The following ANKRD17 variants were observed in gnomAD, a reference collection of about 807,000 sequenced individuals.
The protein encoded by ANKRD17 is ankyrin repeat domain 17.
A neutral mutation model predicts 229.7 loss-of-function variants in ANKRD17; 19 were observed. The observed-to-expected ratio is 0.08, with a 90% CI of 0.06 to 0.12. The LOEUF (loss-of-function observed/expected upper bound fraction) is 0.12, where lower values mean the gene tolerates loss of function less well. ANKRD17 is among the 10% of genes least tolerant of loss of function. The probability of loss-of-function intolerance (pLI) is 1.00; values close to 1 mark genes in which losing one functional copy is unlikely to be tolerated. For synonymous variants in ANKRD17, 1,112 were observed against 1,146.1 expected (o/e 0.97, Z 0.60); for missense variants, 2,176 against 3,176.8 (o/e 0.68, Z 7.57).
At chr4:73,158,181 A>AAAGAAAGG (rs1491185888) in intron 3 of ANKRD17, among the ~76,000 whole-genome samples, 20 of 151,636 alleles carry the variant, frequency 1.3e-4, no homozygotes, top group Admixed American at 6.6e-5. Flanking sequence ...AGAAAGAAAG[A>AAAGAAAGG]AAGAAAGAGA....
intron 1 of ANKRD17, among the ~76,000 whole-genome samples, chr4:73,208,871 A>C (rs1410592745): frequency 6.6e-6 from 1 of 152,176 alleles, no homozygotes; most frequent in Non-Finnish European, 1.5e-5. Flanking sequence ...GGACAAACTG[A>C]ATTCAAAAAA....
chr4:73,171,058 G>A (rs576539675), intron 2 of ANKRD17, among the ~76,000 whole-genome samples: 116 of 151,928 alleles, frequency 7.6e-4, no homozygotes, highest in Non-Finnish European at 1.5e-3. Context: ...CAGTCACAAC[G>A]GGCATTGAGT....
chr4:73,245,864 C>A (rs929604475), intron 1 of ANKRD17, among the ~76,000 whole-genome samples: 1 of 152,076 alleles, frequency 6.6e-6, no homozygotes, highest in Non-Finnish European at 1.5e-5. Flanking sequence ...GTTACATAGT[C>A]CCGATCTAAG....
chr4:73,151,463 A>G lies in ANKRD17; in HGVS notation c.1296T>C (p.Asp432=). The G allele has an allele frequency of 6.2e-7, 1 of 1,611,920 alleles. No homozygotes were observed. Among genetic ancestry groups the G allele is most frequent in the South Asian group, 1.1e-5 (1 of 90,414 alleles). ...CCTCCATCAGAGCAGTGTGCATTTC[A>G]TCTGTTTTATGCTCTTGATCCGCGC... ...EAGADQEHKT[D]EMHTALMEAC... is the part of the protein sequence containing the mutation. The change falls in exon 7 of 34, where the codon GAT becomes GAC. Residue 432 remains aspartate, a synonymous_variant. Coordinates refer to ENST00000358602, the MANE Select transcript of ANKRD17 (RefSeq NM_032217.5).
intron 15 of ANKRD17, among the ~76,000 whole-genome samples, chr4:73,136,122 T>C (rs1728865025): frequency 6.6e-6 from 1 of 152,176 alleles, no homozygotes; most frequent in Non-Finnish European, 1.5e-5. Flanking sequence ...GCATAGGATA[T>C]ACTGTAGATT....
rs756650460 is a variant in ANKRD17, at chr4:73,144,725, A to G, written c.1957+20T>C. 1 of 1,502,698 alleles carries G rather than the reference A, an allele frequency of 6.7e-7. No homozygotes were observed. The highest frequency in any genetic ancestry group is 8.9e-7 in the Non-Finnish European group (1 of 1,123,786). The allele number at this position is 1,502,698 out of a possible 1,614,324, so 93.1% of individuals were successfully genotyped here. ...GGTAGATACCTTTCAAAAAAAGACA[A>G]CTGTTTTATACAAACCTACCTTTAC... On this transcript the variant is annotated intron_variant, in intron 11 of 33. Transcript: ENST00000358602.
At chr4:73,180,532 T>A in intron 1 of ANKRD17, among the ~76,000 whole-genome samples, 1 of 152,180 alleles carries the variant, frequency 6.6e-6, no homozygotes. Context: ...CTACTGACTT[T>A]AAGCTTCTCC....
chr4:73,097,019 G>T, intron 27 of ANKRD17, 98 bp downstream of exon 27: 1 of 1,384,584 alleles, frequency 7.2e-7, no homozygotes. Flanking sequence ...CAGTTTGTTT[G>T]CAACCTTTAG....
At chr4:73,257,374 T>C (rs1745543366) in intron 1 of ANKRD17, among the ~76,000 whole-genome samples, 1 of 152,164 alleles carries the variant, frequency 6.6e-6, no homozygotes. Context: ...GGAAAAATTA[T>C]AAAGTTATTA....
intron 2 of ANKRD17, among the ~76,000 whole-genome samples, chr4:73,166,760 A>G (rs1271378018): frequency 1.2e-5 from 1 of 83,114 alleles, no homozygotes; most frequent in Non-Finnish European, 2.1e-5. Context: ...AAATAAATAG[A>G]AAAAAAAAAA....
chr4:73,139,634 C>T lies in ANKRD17; in HGVS notation c.2982G>A (p.Gln994=). The change falls in exon 15 of 34, where the codon CAG becomes CAA. Residue 994 remains glutamine, a synonymous_variant. Coordinates refer to ENST00000358602, the MANE Select transcript of ANKRD17 (RefSeq NM_032217.5). ...GAATTCCTTGCCCCAGCCCTGCCAA[C>T]TGTGCTTGGCCCAGTACTGGCTGTC... is the stretch of plus-strand genomic sequence containing the variant. The part of the protein sequence containing the change: ...IVGQPVLGQA[Q]LAGLGQGILT... 6.2e-7 allele frequency: 1 copy of T among 1,614,180 alleles called. No homozygotes were observed.
chr4:73,154,618 T>A (rs1731402162), intron 5 of ANKRD17, among the ~76,000 whole-genome samples: 1 of 152,176 alleles, frequency 6.6e-6, no homozygotes, highest in Admixed American at 6.5e-5. Context: ...AAATTTGAAT[T>A]TGAATTCAAT....
chr4:73,254,217 C>A (rs1250501178), intron 1 of ANKRD17, among the ~76,000 whole-genome samples: 1 of 152,050 alleles, frequency 6.6e-6, no homozygotes, highest in Admixed American at 6.5e-5. Flanking sequence ...AATATTTTTT[C>A]TTTCTCCCTC....
chr4:73,204,301 C>T (rs1359314095), intron 1 of ANKRD17, among the ~76,000 whole-genome samples: 1 of 134,698 alleles, frequency 7.4e-6, no homozygotes, highest in East Asian at 2.2e-4. Flanking sequence ...GCGGAGCTTG[C>T]AGTGAGCCGA....
chr4:73,200,600 A>C (rs763248159), intron 1 of ANKRD17, among the ~76,000 whole-genome samples: 15 of 152,170 alleles, frequency 9.9e-5, no homozygotes, highest in Admixed American at 3.9e-4. Context: ...TAACTCCATT[A>C]TGAAAGTAGT....
At chr4:73,182,051 C>CAAAAAAA (rs143812968) in intron 1 of ANKRD17, among the ~76,000 whole-genome samples, 5 of 43,258 alleles carry the variant, frequency 1.2e-4, no homozygotes, top group East Asian at 2.1e-3. Context: ...CCGTCCCCAC[C>CAAAAAAA]AAAAAAAAAA....
intron 16 of ANKRD17, among the ~76,000 whole-genome samples, chr4:73,128,618 AAAGAT>A (rs1727787859): frequency 6.6e-6 from 1 of 152,222 alleles, no homozygotes; most frequent in Admixed American, 6.5e-5. Flanking sequence ...GAGGGTTGAC[AAAGAT>A]AATACAGGAC....
intron 24 of ANKRD17, chr4:73,112,493 A>G (rs1050416824): frequency 1.9e-5 from 4 of 212,120 alleles, no homozygotes; most frequent in Non-Finnish European, 3.3e-5. Context: ...AATGGCCAAA[A>G]CAGCTACTTT....
chr4:73,254,946 C>T (rs749489080), intron 1 of ANKRD17, among the ~76,000 whole-genome samples: 1 of 152,104 alleles, frequency 6.6e-6, no homozygotes, highest in Non-Finnish European at 1.5e-5. Context: ...GAAAGAGCAT[C>T]ATGGCTTTTA....
Sources: allele counts gnomAD v4.1 joint callset (sites outside exome capture counted in the v4.1 genomes callset), GRCh38; gene constraint gnomAD v4.1.1; transcripts MANE v1.5; gene names NCBI Gene and HGNC (gene_info 2026-07-23, HGNC 2026-07-21).